RASA2: variants seen among roughly 807,000 people sequenced by gnomAD.
RASA2 encodes the protein RAS p21 protein activator 2, also known as ras GTPase-activating protein 2.
A neutral mutation model predicts 118.2 loss-of-function variants in RASA2; 155 were observed. That is an observed-to-expected ratio of 1.31 (90% CI 1.15 to 1.50). The LOEUF is 1.50. Ranked by LOEUF, RASA2 falls within the 40% of genes most tolerant of loss-of-function variation. RASA2 has a pLI of 0.00. For missense variants in RASA2, 1,016 were observed against 1,009.6 expected (o/e 1.01, Z -0.09); for synonymous variants, 353 against 349.1 (o/e 1.01, Z -0.12).
At chr3:141,601,705 G>A (rs1194092743) in intron 19 of RASA2, among the ~76,000 whole-genome samples, 1 of 152,000 alleles carries the variant, frequency 6.6e-6, no homozygotes, top group East Asian at 1.9e-4. Context: ...GTTGGGGTTT[G>A]TTGAATTTTT....
intron 3 of RASA2, among the ~76,000 whole-genome samples, chr3:141,523,520 A>AC (rs2151089761): frequency 6.6e-6 from 1 of 152,344 alleles, no homozygotes; most frequent in Non-Finnish European, 1.5e-5. Context: ...TATGCTAGGA[A>AC]CTGTTAGTAC....
intron 2 of RASA2, among the ~76,000 whole-genome samples, chr3:141,515,189 T>A (rs2082004989): frequency 6.6e-6 from 1 of 152,248 alleles, no homozygotes; most frequent in Non-Finnish European, 1.5e-5. Context: ...TTTAATTTTT[T>A]AAAAATATTT....
intron 19 of RASA2, among the ~76,000 whole-genome samples, chr3:141,594,212 A>G (rs1387903978): frequency 6.6e-6 from 1 of 152,178 alleles, no homozygotes; most frequent in Non-Finnish European, 1.5e-5. Context: ...TTGAAGATCG[A>G]TCAGTAGAAA....
At chr3:141,610,464 A>G (rs2083630492) in intron 23 of RASA2, among the ~76,000 whole-genome samples, 1 of 111,714 alleles carries the variant, frequency 9.0e-6, no homozygotes. Context: ...TTATATTTAT[A>G]TATTATATAT....
chr3:141,521,608 A>G (rs1166937812), intron 3 of RASA2, among the ~76,000 whole-genome samples: 2 of 152,140 alleles, frequency 1.3e-5, no homozygotes, highest in South Asian at 2.1e-4. Flanking sequence ...TTTATTTTGA[A>G]AGTAAAAATC....
chr3:141,590,346 C>T (rs1391682574), intron 19 of RASA2, among the ~76,000 whole-genome samples: 1 of 152,158 alleles, frequency 6.6e-6, no homozygotes, highest in Admixed American at 6.6e-5. Context: ...TTTTCTGTAT[C>T]CTTTGTGGTA....
chr3:141,553,554 A>C (rs1032986501), intron 5 of RASA2, among the ~76,000 whole-genome samples: 3 of 152,050 alleles, frequency 2.0e-5, no homozygotes, highest in African/African-American at 4.8e-5. Context: ...GAAAGTTTTG[A>C]ATTTTGGAGG....
intron 5 of RASA2, among the ~76,000 whole-genome samples, chr3:141,546,239 T>C (rs2082483527): frequency 6.6e-6 from 1 of 152,198 alleles, no homozygotes. Context: ...GGTAGCTCTA[T>C]TTTTAGTTTT....
chr3:141,506,201 A>G (rs541662879), intron 1 of RASA2, among the ~76,000 whole-genome samples: 40 of 152,336 alleles, frequency 2.6e-4, no homozygotes, highest in African/African-American at 9.6e-4. Context: ...TTGAATGTCA[A>G]CCTCCTTTCT....
intron 1 of RASA2, 97 bp from the exon 2 acceptor site, chr3:141,512,066 C>A: frequency 5.4e-6 from 4 of 743,100 alleles, no homozygotes; most frequent in Non-Finnish European, 8.8e-6. Flanking sequence ...TTCTGTGCCA[C>A]ATTAATATGT....
chr3:141,570,288 C>T (rs1194534267), intron 9 of RASA2, among the ~76,000 whole-genome samples: 2 of 151,678 alleles, frequency 1.3e-5, no homozygotes, highest in Admixed American at 1.3e-4. Flanking sequence ...GTGGCGGGAT[C>T]TCAGCTCACT....
Position 141,574,411 on chromosome 3 carries a change from G to A in RASA2, c.1483+344G>A, listed in dbSNP as rs531816477. On this transcript the variant is annotated intron_variant, in intron 14 of 23. Transcript: ENST00000286364. Reference sequence around the variant, plus strand: ...TCACCATGTTAGCCAGGATAGTCTCGATCTCCTGAACTCGTGATCCGCCCG... The same window carrying A: ...TCACCATGTTAGCCAGGATAGTCTCAATCTCCTGAACTCGTGATCCGCCCG... 6.6e-5 allele frequency among the ~76,000 whole-genome samples: 10 copies of A among 151,976 alleles called. No individual in the cohort carries two copies. The South Asian group carries it at 1.5e-3, about 22-fold the overall frequency.
At chr3:141,606,607 G>C (rs2083553118) in intron 19 of RASA2, among the ~76,000 whole-genome samples, 1 of 152,022 alleles carries the variant, frequency 6.6e-6, no homozygotes, top group Admixed American at 6.6e-5. Flanking sequence ...TGAATTAAGT[G>C]ACTTTATCTT....
Position 141,612,491 on chromosome 3 carries a change from T to A in RASA2, c.*178T>A. On this transcript the variant is annotated 3_prime_UTR_variant, in exon 24 of 24. Coordinates refer to ENST00000286364, the MANE Select transcript of RASA2 (RefSeq NM_006506.5). ...AATTGTTTGGGAATCCTGGTATTGA[T>A]GTATTACTAGAGAATTTAAAGCCCA... The A allele has an allele frequency of 3.7e-6, 2 of 533,398 alleles. No homozygotes were observed. The highest frequency in any genetic ancestry group is 6.5e-6 in the Non-Finnish European group (2 of 306,846). The allele number at this position is 533,398 out of a possible 1,614,324, so 33.0% of individuals were successfully genotyped here. A position where few individuals can be genotyped will look rare whatever the true frequency, so the allele number is the denominator to read the frequency against.
chr3:141,498,625 T>A (rs1028234444), intron 1 of RASA2, among the ~76,000 whole-genome samples: 39 of 152,092 alleles, frequency 2.6e-4, no homozygotes, highest in African/African-American at 9.4e-4. Context: ...TGGGTGTAAC[T>A]TCTTTATGTG....
chr3:141,489,691 C>T (rs2081617279), intron 1 of RASA2, among the ~76,000 whole-genome samples: 1 of 152,146 alleles, frequency 6.6e-6, no homozygotes, highest in East Asian at 1.9e-4. Context: ...CTGCACATCA[C>T]CCCAGTGAAA....
intron 3 of RASA2, among the ~76,000 whole-genome samples, chr3:141,528,481 T>G (rs1332050415): frequency 2.0e-5 from 3 of 151,996 alleles, no homozygotes; most frequent in African/African-American, 7.2e-5. Context: ...AATATGGAAA[T>G]TTTTAGTGTA....
At chr3:141,508,400 A>G (rs1289970888) in intron 1 of RASA2, among the ~76,000 whole-genome samples, 1 of 151,212 alleles carries the variant, frequency 6.6e-6, no homozygotes, top group African/African-American at 2.4e-5. Flanking sequence ...TTTCTTTACT[A>G]TTGAGACAGG....
intron 1 of RASA2, 103 bp from the exon 2 acceptor site, chr3:141,512,059 TG>T: frequency 1.4e-6 from 1 of 709,910 alleles, no homozygotes; most frequent in South Asian, 1.8e-5. Flanking sequence ...TTTTTTTTTC[TG>T]TGCCACATTA....
Sources: allele counts gnomAD v4.1 joint callset (sites outside exome capture counted in the v4.1 genomes callset), GRCh38; gene constraint gnomAD v4.1.1; transcripts MANE v1.5; gene names NCBI Gene and HGNC (gene_info 2026-07-23, HGNC 2026-07-21).